PACRGL: variants seen among roughly 807,000 people sequenced by gnomAD.
PACRGL encodes parkin coregulated like.
In PACRGL, 38 loss-of-function variants were observed where a neutral mutation model predicts 34.5. The ratio of observed to expected loss-of-function variants is 1.10; its 90% CI spans 0.85 to 1.44. The LOEUF (loss-of-function observed/expected upper bound fraction) is 1.44, where lower values mean the gene tolerates loss of function less well. PACRGL is among the 40% of genes most tolerant of loss of function. The pLI, the probability that PACRGL is intolerant of heterozygous loss-of-function variation, is 0.00. For missense variants in PACRGL, 305 were observed against 281.4 expected (o/e 1.08, Z -0.60); for synonymous variants, 128 against 100.1 (o/e 1.28, Z -1.66).
At chr4:20,723,475 A>C (rs1744324606) in intron 7 of PACRGL, among the ~76,000 whole-genome samples, 1 of 151,694 alleles carries the variant, frequency 6.6e-6, no homozygotes, top group Non-Finnish European at 1.5e-5. Flanking sequence ...TGTAGAAATA[A>C]GCAGCAAGGA....
intron 7 of PACRGL, chr4:20,716,332 TG>T (rs1739968626): frequency 3.5e-6 from 2 of 573,082 alleles, no homozygotes; most frequent in Non-Finnish European, 6.1e-6. Flanking sequence ...ATTCATGCAG[TG>T]TTTTTTTTTT....
At chr4:20,733,221 T>C (rs1409249820), downstream of PACRGL, among the ~76,000 whole-genome samples, 10 of 152,186 alleles carry the variant, frequency 6.6e-5, no homozygotes, top group East Asian at 1.5e-3. Flanking sequence ...GTGAAATTAA[T>C]TGGTAAGTCT....
chr4:20,726,944 T>G (rs1341316602), intron 8 of PACRGL, among the ~76,000 whole-genome samples: 1 of 152,156 alleles, frequency 6.6e-6, no homozygotes, highest in African/African-American at 2.4e-5. Context: ...TTCCTAGTCA[T>G]CAGAGGGAGA....
downstream of PACRGL, among the ~76,000 whole-genome samples, chr4:20,736,702 TAC>T (rs1205667104): frequency 1.3e-5 from 2 of 152,222 alleles, no homozygotes; most frequent in East Asian, 3.8e-4. Context: ...GCATGATACT[TAC>T]TTTTATCATG....
intron 7 of PACRGL, among the ~76,000 whole-genome samples, chr4:20,714,821 T>A (rs1329784377): frequency 6.6e-6 from 1 of 152,188 alleles, no homozygotes; most frequent in Non-Finnish European, 1.5e-5. Flanking sequence ...TTTACACTGT[T>A]GGTGGAACTG....
rs942542751 is a variant in PACRGL, at chr4:20,713,423, A to G, written c.502-9A>G. The stretch of plus-strand genomic sequence containing the variant: ...TGTCCATACATCCCCCAACTAACCA[A>G]CCTTACAGGTCCATTCGGATGATGA... On this transcript the variant is annotated splice_polypyrimidine_tract_variant and intron_variant, in intron 6 of 8. Transcript: ENST00000503585. 5 of 1,609,966 alleles carry G rather than the reference A, an allele frequency of 3.1e-6. No homozygotes were observed. Among genetic ancestry groups the G allele is most frequent in the African/African-American group, 1.3e-5 (1 of 74,728 alleles).
rs1370860696 is a variant in PACRGL at position 20,732,182 on chromosome 4, G to A, written c.*4841G>A. ...AAACCTAGCTGCTTATTTATTTCAC[G>A]TGGAGGAACTGTTTCAGAGCAGGAA... On this transcript the variant is annotated 3_prime_UTR_variant, in exon 9 of 9. Transcript: ENST00000503585. The A allele has an allele frequency of 1.7e-5, 12 of 712,556 alleles. No individual in the cohort carries two copies. Among genetic ancestry groups the A allele is most frequent in the South Asian group, 7.3e-5 (4 of 55,122 alleles). 44.1% of individuals were successfully genotyped at this position (712,556 alleles called of 1,614,324 possible).
downstream of PACRGL, chr4:20,734,709 CA>C: frequency 6.3e-7 from 1 of 1,586,728 alleles, no homozygotes; most frequent in Non-Finnish European, 8.6e-7. Flanking sequence ...TCCCCCGGAG[CA>C]AAATGGAAAG....
downstream of PACRGL, among the ~76,000 whole-genome samples, chr4:20,756,812 C>T (rs117229816): frequency 2.3e-3 from 353 of 152,140 alleles, 8 homozygotes; most frequent in South Asian, 0.046. Context: ...TTTCCATAAA[C>T]TGTTCATTCT....
At chr4:20,748,566 A>T (rs1231359821) in intron 8 of PACRGL, among the ~76,000 whole-genome samples, 4 of 7,530 alleles carry the variant, frequency 5.3e-4, no homozygotes, top group African/African-American at 1.6e-3. Flanking sequence ...AATTTTATAT[A>T]TATATATATA....
At chr4:20,759,299 C>A in the PACRGL span, among the ~76,000 whole-genome samples, 1 of 152,168 alleles carries the variant, frequency 6.6e-6, no homozygotes, top group African/African-American at 2.4e-5. Flanking sequence ...ATCTTCGATT[C>A]AATGGCAGAA....
rs542260454 is a variant in PACRGL, at chr4:20,706,838, T to G, written c.208-965T>G. Among the ~76,000 whole-genome samples the G allele has an allele frequency of 1.3e-4, 20 of 152,268 alleles. 1 individual carries two copies. The South Asian group carries it at 3.7e-3, about 28-fold the overall frequency. ...ATCCACCCGCCTCAGCCTCCCAAAG[T>G]GCTGGGATTACAGGCTTGAGCCACT... On this transcript the variant is annotated intron_variant, in intron 3 of 8. Transcript: ENST00000503585.
rs1474099722 is a variant in PACRGL, at chr4:20,704,507, G to A, written c.26G>A (p.Gly9Asp). The A allele has an allele frequency of 3.1e-6, 5 of 1,613,786 alleles. No individual in the cohort carries two copies. Among genetic ancestry groups the A allele is most frequent in the Non-Finnish European group, 4.2e-6 (5 of 1,179,932 alleles). The change falls in exon 2 of 9, where the codon GGT becomes GAT. Residue 9 changes from glycine to aspartate, a missense_variant. By Grantham distance (94) the Gly-to-Asp change is moderately conservative. Coordinates refer to ENST00000503585, the MANE Select transcript of PACRGL (RefSeq NM_001258345.3). ...ATGCAGAAATCAGAGGGCTCTGGAG[G>A]TACACAGTTGAAAAACAGAGCAACA... MQKSEGSGGTQLKNRATGN... is the reference protein window; with the variant it reads MQKSEGSGDTQLKNRATGN...
At position 20,713,449 on chromosome 4, in the gene PACRGL, A is replaced by C. The variant is rs1738261647; in HGVS notation, c.519A>C (p.Glu173Asp). The C allele has an allele frequency of 6.2e-7, 1 of 1,613,408 alleles. No homozygotes were observed. Among genetic ancestry groups the C allele is most frequent in the Non-Finnish European group, 8.5e-7 (1 of 1,179,698 alleles). Residue 173 changes from glutamate to aspartate, a missense_variant, in exon 7 of 9, where the codon GAA becomes GAC. By Grantham distance (45) the Glu-to-Asp change is conservative (BLOSUM62 2). Transcript: ENST00000503585. ...CCTTACAGGTCCATTCGGATGATGA[A>C]GTGTTTGAAAGAGGATTGAATGCTC... The part of the protein sequence containing the change: ...LKAALVHSDD[E>D]VFERGLNALV...
At chr4:20,703,661 T>C in intron 1 of PACRGL, among the ~76,000 whole-genome samples, 1 of 152,136 alleles carries the variant, frequency 6.6e-6, no homozygotes, top group East Asian at 1.9e-4. Flanking sequence ...GGTGAGTAAC[T>C]TGAGAGATAA....
rs2149217499 is a variant in PACRGL at position 20,727,284 on chromosome 4, G to A, written c.691-1G>A. 1 of 1,610,122 alleles carries A rather than the reference G, an allele frequency of 6.2e-7. No individual in the cohort carries two copies. Among genetic ancestry groups the A allele is most frequent in the Non-Finnish European group, 8.5e-7 (1 of 1,176,634 alleles). On this transcript the variant is annotated splice_acceptor_variant, in intron 8 of 8. Coordinates refer to ENST00000503585, the MANE Select transcript of PACRGL (RefSeq NM_001258345.3). LOFTEE classifies it high-confidence loss of function. ...GATGCTCAATTTTTTTCTGTTGACA[G>A]GGGAGCCTTAGCATCATCAAATCTA...
the PACRGL span, among the ~76,000 whole-genome samples, chr4:20,762,921 A>T: frequency 6.7e-6 from 1 of 148,422 alleles, no homozygotes; most frequent in Non-Finnish European, 1.5e-5. Flanking sequence ...GTGGAAGGCA[A>T]AGGAGAAGGA....
chr4:20,750,499 G>T (rs1332489961), intron 8 of PACRGL, among the ~76,000 whole-genome samples: 1 of 152,144 alleles, frequency 6.6e-6, no homozygotes, highest in African/African-American at 2.4e-5. Flanking sequence ...GGTAATGATG[G>T]ACAGGTATGT....
intron 1 of PACRGL, among the ~76,000 whole-genome samples, chr4:20,703,214 T>C (rs1732988042): frequency 6.6e-6 from 1 of 152,152 alleles, no homozygotes; most frequent in South Asian, 2.1e-4. Context: ...GGAAGAGGAC[T>C]TTACCTGTGT....
Sources: gnomAD v4.1 joint callset for allele counts (sites outside exome capture counted in the v4.1 genomes callset) on GRCh38, gnomAD v4.1.1 for gene constraint, MANE v1.5 for transcripts, NCBI Gene and HGNC (gene_info 2026-07-23, HGNC 2026-07-21) for gene names.